Variants in TREML2 observed in about 807,000 individuals in gnomAD.
TREML2 encodes the protein trem-like transcript 2 protein.
Under a neutral mutation model 25.9 loss-of-function variants are expected in TREML2, and 24 were observed. The ratio of observed to expected loss-of-function variants is 0.93; its 90% CI spans 0.67 to 1.30. The LOEUF is 1.30. TREML2 is among the 50% of genes most tolerant of loss of function. TREML2 has a pLI of 0.00. For synonymous variants in TREML2, 139 were observed against 155.2 expected (o/e 0.90, Z 0.77); for missense variants, 359 against 395.6 (o/e 0.91, Z 0.78).
chr6:41,191,168 C>CGTGTGTGTGT lies in TREML2; in HGVS notation c.*1258_*1259insACACACACAC, dbSNP rs1561887549. On this transcript the variant is annotated 3_prime_UTR_variant, in exon 5 of 5. Coordinates refer to ENST00000483722, the MANE Select transcript of TREML2 (RefSeq NM_024807.4). ...TCCAGTCACTCCAGGTCAGTAGACACCTGTGTGTGTGTGTGTGTGTGTGTG... is the reference window on the plus strand; with the variant it reads ...TCCAGTCACTCCAGGTCAGTAGACACGTGTGTGTGTCTGTGTGTGTGTGTGTGTGTGTGTG... 3 of 120,084 alleles carry CGTGTGTGTGT rather than the reference C, an allele frequency of 2.5e-5. No individual in the cohort carries two copies. The highest frequency in any genetic ancestry group is 2.5e-4 in the East Asian group (1 of 3,958). 7.4% of individuals were successfully genotyped at this position (120,084 alleles called of 1,614,324 possible).
chr6:41,193,935 CCCCCGACTCTCATAGT>C (rs2113903838), intron 3 of TREML2, among the ~76,000 whole-genome samples: 1 of 120,048 alleles, frequency 8.3e-6, no homozygotes, highest in Non-Finnish European at 1.7e-5. Context: ...GACCCTAATG[CCCCCGACTCTCATAGT>C]CCCCTGCCCT....
At chr6:41,198,040 T>A in intron 2 of TREML2, 69 bp downstream of exon 2, 1 of 1,400,706 alleles carries the variant, frequency 7.1e-7, no homozygotes, top group Non-Finnish European at 9.6e-7. Flanking sequence ...TTATTATCTC[T>A]GATGTTAGTG....
chr6:41,200,129 G>A (rs1161991590), intron 1 of TREML2, among the ~76,000 whole-genome samples: 1 of 152,230 alleles, frequency 6.6e-6, no homozygotes, highest in African/African-American at 2.4e-5. Flanking sequence ...CACTAGAGCT[G>A]AGGCTCTGTG....
Position 41,192,167 on chromosome 6 carries a change from A to G in TREML2, c.*260T>C, listed in dbSNP as rs9394767. On this transcript the variant is annotated 3_prime_UTR_variant, in exon 5 of 5. Coordinates refer to ENST00000483722, the MANE Select transcript of TREML2 (RefSeq NM_024807.4). ...CTGGGGTCTGCAGCTCCGAGCAGAAACCACTGGTCACATTTCCTCGGGACT... is the reference window on the plus strand; with the variant it reads ...CTGGGGTCTGCAGCTCCGAGCAGAAGCCACTGGTCACATTTCCTCGGGACT... The G allele has an allele frequency of 0.28, 135,582 of 481,740 alleles. 20,887 individuals carry two copies. Among genetic ancestry groups the G allele is most frequent in the Admixed American group, 0.34 (10,266 of 30,626 alleles). The allele number at this position is 481,740 out of a possible 1,614,324, so 29.8% of individuals were successfully genotyped here. A position where few individuals can be genotyped will look rare whatever the true frequency, so the allele number is the denominator to read the frequency against.
rs1308355685 is a variant in TREML2 at position 41,190,423 on chromosome 6, G to A, written c.*2004C>T. 1 of 152,202 alleles carries A rather than the reference G, an allele frequency of 6.6e-6. No individual in the cohort carries two copies. Among genetic ancestry groups the A allele is most frequent in the East Asian group, 1.9e-4 (1 of 5,202 alleles). 9.4% of individuals were successfully genotyped at this position (152,202 alleles called of 1,614,324 possible). ...GAAACAGAATCCTAAGGTCTTAAAT[G>A]TAATGTTGGAAACAACATTAGAGCT... On this transcript the variant is annotated 3_prime_UTR_variant, in exon 5 of 5. Coordinates refer to ENST00000483722, the MANE Select transcript of TREML2 (RefSeq NM_024807.4).
Position 41,192,128 on chromosome 6 carries a change from C to T in TREML2, c.*299G>A, listed in dbSNP as rs1766075391. ...AACAGCACTCTCAGGGTTCCCCTGCCTCCACCAAGAGCCCTGGGGTCTGCA... is the reference window on the plus strand; with the variant it reads ...AACAGCACTCTCAGGGTTCCCCTGCTTCCACCAAGAGCCCTGGGGTCTGCA... On this transcript the variant is annotated 3_prime_UTR_variant, in exon 5 of 5. Transcript: ENST00000483722. 2 of 406,670 alleles carry T rather than the reference C, an allele frequency of 4.9e-6. No individual in the cohort carries two copies. Among genetic ancestry groups the T allele is most frequent in the South Asian group, 6.4e-5 (2 of 31,434 alleles). 25.2% of individuals were successfully genotyped at this position (406,670 alleles called of 1,614,324 possible). A position where few individuals can be genotyped will look rare whatever the true frequency, so the allele number is the denominator to read the frequency against.
intron 2 of TREML2, 102 bp downstream of exon 2, chr6:41,198,007 T>C (rs1766201137): frequency 8.3e-7 from 1 of 1,199,130 alleles, no homozygotes; most frequent in Non-Finnish European, 1.1e-6. Flanking sequence ...CAGTGCAACA[T>C]GACCACTGAT....
Position 41,200,995 on chromosome 6 carries a change from A to G in TREML2, c.14T>C (p.Phe5Ser). Residue 5 changes from phenylalanine to serine, a missense_variant, in exon 1 of 5, where the codon TTC (phenylalanine) becomes TCC (serine). By Grantham distance (155) the Phe-to-Ser change is radical. Transcript: ENST00000483722. ...TGGCCACAGCAGCAGCAGCAGCAGG[A>G]AGGCTGGGGCCATGGTTCCATCCAG... MAPA[F>S]LLLLLLWPQG... The G allele has an allele frequency of 1.3e-6, 2 of 1,597,890 alleles. No homozygotes were observed. Among genetic ancestry groups the G allele is most frequent in the Non-Finnish European group, 1.7e-6 (2 of 1,171,996 alleles).
intron 3 of TREML2, 31 bp from the exon 4 acceptor site, chr6:41,192,932 G>A: frequency 6.6e-7 from 1 of 1,507,532 alleles, no homozygotes; most frequent in South Asian, 1.3e-5. Context: ...GGAAGCGGGT[G>A]AGCACCAAGG....
Position 41,191,001 on chromosome 6 carries a change from C to T in TREML2, c.*1426G>A, listed in dbSNP as rs1766047535. On this transcript the variant is annotated 3_prime_UTR_variant, in exon 5 of 5. Transcript: ENST00000483722. ...GCTGTCCCCCAGGATTACTCCCTGC[C>T]TCTTCCACTCTCCCCACATCCATCC... 6.6e-6 allele frequency: 1 copy of T among 152,558 alleles called. No individual in the cohort carries two copies. The highest frequency in any genetic ancestry group is 6.5e-5 in the Admixed American group (1 of 15,280). The allele number at this position is 152,558 out of a possible 1,614,324, so 9.5% of individuals were successfully genotyped here.
In TREML2 at chr6:41,192,854, A is replaced by G; in HGVS notation, c.833T>C (p.Leu278Pro). ...ATAGACCATGATCAGCATCAGCACC[A>G]GGAGGGTCAGCACCACCCCAAGCAC... ...STVLGVVLTLLVLMLIMVYGF... is the reference protein window; with the variant it reads ...STVLGVVLTLPVLMLIMVYGF... Residue 278 changes from leucine to proline, a missense_variant, in exon 4 of 5, where the codon CTG (leucine) becomes CCG (proline). Physicochemically the swap from Leu to Pro is moderately conservative, Grantham distance 98 (BLOSUM62 -3). Transcript: ENST00000483722. The G allele has an allele frequency of 6.2e-7, 1 of 1,608,368 alleles. No individual in the cohort carries two copies.
At position 41,194,614 on chromosome 6, in the gene TREML2, C is replaced by A. The variant is rs1197688344; in HGVS notation, c.596G>T (p.Ser199Ile). ...CCCCATGGTCCTCCTGGGTCCCTGG[C>A]TGGTGGTGCTGGTAGCAGTGAAGCT... ...GYSFTATSTT[S>I]QGPRRTMGSQ... Residue 199 changes from serine (S) to isoleucine (I), a missense_variant, in exon 3 of 5, where the codon AGC (serine) becomes ATC (isoleucine). Transcript: ENST00000483722. 2.5e-6 allele frequency: 4 copies of A among 1,614,042 alleles called. No homozygotes were observed. The highest frequency in any genetic ancestry group is 1.1e-5 in the South Asian group (1 of 91,064).
chr6:41,199,019 C>A (rs866490154), intron 1 of TREML2, among the ~76,000 whole-genome samples: 1 of 152,192 alleles, frequency 6.6e-6, no homozygotes, highest in East Asian at 1.9e-4. Flanking sequence ...CCTGCCACCA[C>A]GTCCGGCTAA....
At chr6:41,194,360 T>C in intron 3 of TREML2, 65 bp downstream of exon 3, 1 of 1,446,040 alleles carries the variant, frequency 6.9e-7, no homozygotes, top group Non-Finnish European at 9.2e-7. Context: ...GATATAAGAC[T>C]TGCACCTCCA....
Position 41,194,436 on chromosome 6 carries a change from C to T in TREML2, c.774G>A (p.Met258Ile), listed in dbSNP as rs1249564515. The T allele has an allele frequency of 6.4e-7, 1 of 1,570,764 alleles. No individual in the cohort carries two copies. The highest frequency in any genetic ancestry group is 2.3e-5 in the East Asian group (1 of 42,612). ...GGCCCCACAGGTACCTGATGGAGGG[C>T]ATGGAGGGTAGTCTGTTGAGGAGAG... ...SRSLLNRLPS[M>I]PSIRHQDVYS... is the part of the protein sequence containing the mutation. Residue 258 changes from methionine (M) to isoleucine (I), a missense_variant, in exon 3 of 5, where the codon ATG (methionine) becomes ATA (isoleucine). By Grantham distance (10) the Met-to-Ile change is conservative. Transcript: ENST00000483722.
chr6:41,199,024 G>A (rs547536070), intron 1 of TREML2, among the ~76,000 whole-genome samples: 202 of 152,220 alleles, frequency 1.3e-3, no homozygotes, highest in Non-Finnish European at 2.5e-3. Context: ...CACCACGTCC[G>A]GCTAATTTTT....
At chr6:41,193,242 C>G (rs1015882982) in intron 3 of TREML2, among the ~76,000 whole-genome samples, 2 of 152,106 alleles carry the variant, frequency 1.3e-5, no homozygotes, top group African/African-American at 4.8e-5. Context: ...ATGCCTGTTC[C>G]CCCACTCTAT....
At chr6:41,199,267 C>T (rs56351286) in intron 1 of TREML2, among the ~76,000 whole-genome samples, 3,096 of 152,268 alleles carry the variant, frequency 0.02, 96 homozygotes, top group African/African-American at 0.065. Context: ...GCCCAACTAA[C>T]TAGGTAGATA....
intron 1 of TREML2, among the ~76,000 whole-genome samples, chr6:41,199,958 T>C (rs531580217): frequency 7.9e-5 from 12 of 152,346 alleles, no homozygotes; most frequent in Admixed American, 2.0e-4. Context: ...AGGTCAGTGC[T>C]TTGCACACAG....
Sources: gnomAD v4.1 joint callset for allele counts (sites outside exome capture counted in the v4.1 genomes callset) on GRCh38, gnomAD v4.1.1 for gene constraint, MANE v1.5 for transcripts, NCBI Gene and HGNC (gene_info 2026-07-23, HGNC 2026-07-21) for gene names.